Variants in LCP1 observed in about 807,000 individuals in gnomAD.
The protein encoded by LCP1 is lymphocyte cytosolic protein 1.
A neutral mutation model predicts 72.0 loss-of-function variants in LCP1; 23 were observed. The ratio of observed to expected loss-of-function variants is 0.32; its 90% confidence interval spans 0.23 to 0.45. The LOEUF is 0.45. LCP1 is among the 20% of genes least tolerant of loss of function. The pLI, the probability that LCP1 is intolerant of heterozygous loss-of-function variation, is 1.00. For missense variants in LCP1, 571 were observed against 748.3 expected, an observed-to-expected ratio of 0.76 and a Z score of 2.76; for synonymous variants, 245 against 275.4, an observed-to-expected ratio of 0.89 and a Z score of 1.09.
chr13:46,160,811 G>T (rs1041221594), intron 1 of LCP1, among the ~76,000 whole-genome samples: 1 of 152,192 alleles, frequency 6.6e-6, no homozygotes, highest in Non-Finnish European at 1.5e-5. Flanking sequence ...TGGAGTGGGA[G>T]TGTGGGGGTT....
chr13:46,134,314 T>C, intron 13 of LCP1, 64 bp from the exon 14 acceptor site: 1 of 1,530,848 alleles, frequency 6.5e-7, no homozygotes, highest in Non-Finnish European at 8.9e-7. Context: ...AAACAAAAAG[T>C]AGCTAAGGAT....
At chr13:46,180,200 G>C (rs566182804) in intron 1 of LCP1, among the ~76,000 whole-genome samples, 1 of 152,090 alleles carries the variant, frequency 6.6e-6, no homozygotes, top group Non-Finnish European at 1.5e-5. Context: ...ACCTATGGCC[G>C]GTTCCTTCAA....
intron 1 of LCP1, among the ~76,000 whole-genome samples, chr13:46,161,250 C>T (rs2045836644): frequency 6.6e-6 from 1 of 152,192 alleles, no homozygotes; most frequent in Admixed American, 6.5e-5. Context: ...GCTATCTTAT[C>T]TCCTTGTCAC....
intron 8 of LCP1, among the ~76,000 whole-genome samples, chr13:46,150,469 A>G (rs1300276486): frequency 2.0e-5 from 3 of 152,226 alleles, no homozygotes; most frequent in Admixed American, 2.0e-4. Flanking sequence ...GGATTCAATA[A>G]GAGAATACAC....
rs1403300707 is a variant in LCP1 at position 46,177,441 on chromosome 13, A to T, written c.-25+4670T>A. Among the ~76,000 whole-genome samples the T allele has an allele frequency of 2.0e-5, 3 of 152,162 alleles. 1 individual carries two copies. The highest frequency in any genetic ancestry group is 2.0e-4 in the Admixed American group (3 of 15,270). ...CAGATCACGAGGTCAGGAGATCGAG[A>T]CCGTCCTGGCTAACAAGGTGAAACC... On this transcript the variant is annotated intron_variant, in intron 1 of 15. Transcript: ENST00000323076.
At chr13:46,143,716 C>A (rs530630525) in intron 11 of LCP1, among the ~76,000 whole-genome samples, 3 of 152,220 alleles carry the variant, frequency 2.0e-5, no homozygotes, top group Non-Finnish European at 4.4e-5. Context: ...ATATAACAAA[C>A]CTGCACATGT....
chr13:46,143,419 C>T lies in LCP1; in HGVS notation c.1254-15G>A, dbSNP rs1301227512. The T allele has an allele frequency of 6.4e-7, 1 of 1,555,580 alleles. No homozygotes were observed. The highest frequency in any genetic ancestry group is 2.2e-5 in the East Asian group (1 of 44,566). On this transcript the variant is annotated splice_polypyrimidine_tract_variant and intron_variant, in intron 11 of 15. Coordinates refer to ENST00000323076, the MANE Select transcript of LCP1 (RefSeq NM_002298.5). ...CTGATAAGTCACTGAACAAAACAAA[C>T]ACAAAAGGATTCTCAGATATCCAAC...
At chr13:46,130,585 G>A (rs1167017034) in intron 15 of LCP1, among the ~76,000 whole-genome samples, 2 of 125,106 alleles carry the variant, frequency 1.6e-5, no homozygotes, top group Non-Finnish European at 3.6e-5. Context: ...TCATTATTGG[G>A]TTGTTTTTTT....
At chr13:46,166,421 G>A (rs1315417744) in intron 1 of LCP1, among the ~76,000 whole-genome samples, 1 of 152,214 alleles carries the variant, frequency 6.6e-6, no homozygotes, top group Non-Finnish European at 1.5e-5. Context: ...GGAGGCATCT[G>A]TGACCTGGTA....
chr13:46,178,865 C>A (rs770150916), intron 1 of LCP1, among the ~76,000 whole-genome samples: 2 of 152,102 alleles, frequency 1.3e-5, no homozygotes, highest in Non-Finnish European at 2.9e-5. Flanking sequence ...ATAAGTATAA[C>A]CTTATAAGCA....
chr13:46,129,793 C>T (rs1052894865), intron 15 of LCP1, among the ~76,000 whole-genome samples: 1 of 152,130 alleles, frequency 6.6e-6, no homozygotes, highest in Non-Finnish European at 1.5e-5. Flanking sequence ...TCTTAACCCC[C>T]AGCACCTCAG....
At chr13:46,138,636 GACC>G (rs2045679322) in intron 13 of LCP1, among the ~76,000 whole-genome samples, 2 of 152,054 alleles carry the variant, frequency 1.3e-5, no homozygotes, top group African/African-American at 4.8e-5. Context: ...GAATGGGGTT[GACC>G]TGAGTTTGTT....
chr13:46,142,883 G>T, intron 12 of LCP1: 1 of 412,020 alleles, frequency 2.4e-6, no homozygotes, highest in Non-Finnish European at 4.8e-6. Flanking sequence ...CTGAGAAATG[G>T]CTGTGTCAAC....
intron 1 of LCP1, 31 bp from the exon 2 acceptor site, chr13:46,159,717 T>C (rs2045826220): frequency 3.6e-5 from 48 of 1,331,878 alleles, no homozygotes; most frequent in Non-Finnish European, 4.9e-5. Context: ...AGGGATAACT[T>C]TTGTGCATTT....
In LCP1 at chr13:46,146,953, G is replaced by C. The variant is rs1217678134; in HGVS notation, c.1129C>G (p.Leu377Val). Residue 377 changes from leucine (L) to valine (V), a missense_variant, in exon 10 of 16, where the codon CTG becomes GTG. Coordinates refer to ENST00000323076, the MANE Select transcript of LCP1 (RefSeq NM_002298.5). ...IANLFNRYPA[L>V]HKPENQDIDW... ...ATGTCCTGGTTCTCTGGTTTGTGCA[G>C]GGCAGGGTATCTGTTAAAGAGGTTG... 3.1e-6 allele frequency: 5 copies of C among 1,614,042 alleles called. No individual in the cohort carries two copies. Among genetic ancestry groups the C allele is most frequent in the Non-Finnish European group, 4.2e-6 (5 of 1,180,034 alleles).
At chr13:46,163,633 TAAAA>T (rs575609187) in intron 1 of LCP1, among the ~76,000 whole-genome samples, 2 of 109,248 alleles carry the variant, frequency 1.8e-5, no homozygotes, top group East Asian at 5.1e-4. Context: ...AATGATCAAT[TAAAA>T]AAAAAAAAAA....
Position 46,146,990 on chromosome 13 carries a change from C to T in LCP1, c.1092G>A (p.Leu364=). 1 of 1,614,032 alleles carries T rather than the reference C, an allele frequency of 6.2e-7. No homozygotes were observed. Among genetic ancestry groups the T allele is most frequent in the Non-Finnish European group, 8.5e-7 (1 of 1,179,976 alleles). ...DVVRGNPKLN[L]AFIANLFNRY... ...TGTTAAAGAGGTTGGCAATAAAAGC[C>T]AAGTTCAACTTGGGGTTCCCTCGGA... The change falls in exon 10 of 16, where the codon TTG becomes TTA. Residue 364 remains leucine (L), a synonymous_variant. Transcript: ENST00000323076.
intron 1 of LCP1, among the ~76,000 whole-genome samples, chr13:46,162,163 G>A (rs1472570431): frequency 1.3e-5 from 2 of 151,964 alleles, no homozygotes; most frequent in South Asian, 2.1e-4. Flanking sequence ...CTCCCAGGCT[G>A]TCTACTCGGG....
intron 6 of LCP1, 61 bp downstream of exon 6, chr13:46,154,743 CA>C: frequency 7.3e-7 from 1 of 1,362,198 alleles, no homozygotes. Context: ...GCGGACTCAG[CA>C]GTTATGATGC....
Sources: allele counts gnomAD v4.1 joint callset (sites outside exome capture counted in the v4.1 genomes callset), GRCh38; gene constraint gnomAD v4.1.1; transcripts MANE v1.5; gene names NCBI Gene and HGNC (gene_info 2026-07-23, HGNC 2026-07-21).